Variants in CNTN3 observed in about 807,000 individuals in gnomAD.
CNTN3 encodes the protein contactin 3.
A neutral mutation model predicts 119.1 loss-of-function variants in CNTN3; 60 were observed. The ratio of observed to expected loss-of-function variants is 0.50; its 90% CI spans 0.41 to 0.62. The LOEUF (loss-of-function observed/expected upper bound fraction) is 0.62. CNTN3 is among the 20% of genes least tolerant of loss of function. The probability of loss-of-function intolerance (pLI) is 0.00; values close to 1 mark genes in which losing one functional copy is unlikely to be tolerated. For missense variants in CNTN3, 1,101 were observed against 1,242.4 expected, an observed-to-expected ratio of 0.89 and a Z score of 1.71; for synonymous variants, 450 against 438.7, an observed-to-expected ratio of 1.03 and a Z score of -0.32.
intron 4 of CNTN3, among the ~76,000 whole-genome samples, chr3:74,447,549 A>C (rs1575733986): frequency 6.6e-6 from 1 of 152,186 alleles, no homozygotes; most frequent in Admixed American, 6.5e-5. Context: ...GAAGGGAAAG[A>C]GCAATTGCAT....
At chr3:74,406,317 C>T (rs901976855) in intron 5 of CNTN3, among the ~76,000 whole-genome samples, 1 of 151,716 alleles carries the variant, frequency 6.6e-6, no homozygotes, top group South Asian at 2.1e-4. Context: ...TAAACTACAA[C>T]GATAATTTTA....
chr3:74,579,866 A>G (rs988637143), intron 1 of CNTN3, among the ~76,000 whole-genome samples: 3 of 152,186 alleles, frequency 2.0e-5, no homozygotes, highest in Admixed American at 2.0e-4. Flanking sequence ...AGAGGAACAA[A>G]TGAAACTTAA....
chr3:74,605,245 T>TA (rs141732008), intron 1 of CNTN3, among the ~76,000 whole-genome samples: 2,340 of 152,228 alleles, frequency 0.015, 54 homozygotes, highest in African/African-American at 0.052. Flanking sequence ...CTATAATTAA[T>TA]AATGCATTGT....
At chr3:74,464,807 C>A (rs1702432806) in intron 4 of CNTN3, among the ~76,000 whole-genome samples, 2 of 152,156 alleles carry the variant, frequency 1.3e-5, no homozygotes, top group Non-Finnish European at 2.9e-5. Flanking sequence ...TTAATGGCAT[C>A]TCTTTTTAAA....
At chr3:74,508,554 A>G (rs1575794114) in intron 2 of CNTN3, among the ~76,000 whole-genome samples, 1 of 152,320 alleles carries the variant, frequency 6.6e-6, no homozygotes, top group Non-Finnish European at 1.5e-5. Flanking sequence ...CACAGTAAGC[A>G]TACAACTGAT....
chr3:74,391,961 C>A (rs1434229161), intron 5 of CNTN3, among the ~76,000 whole-genome samples: 1 of 152,054 alleles, frequency 6.6e-6, no homozygotes, highest in Non-Finnish European at 1.5e-5. Context: ...CCCAGACTCC[C>A]ACACTTAGAG....
chr3:74,392,800 G>C (rs1704948608), intron 5 of CNTN3, among the ~76,000 whole-genome samples: 1 of 152,086 alleles, frequency 6.6e-6, no homozygotes, highest in Non-Finnish European at 1.5e-5. Context: ...CAGGGACAGA[G>C]CTTATTTTTT....
chr3:74,595,275 T>C (rs1704785643), intron 1 of CNTN3, among the ~76,000 whole-genome samples: 1 of 151,696 alleles, frequency 6.6e-6, no homozygotes, highest in African/African-American at 2.4e-5. Flanking sequence ...TTTCTTTTGC[T>C]GTGCAGAAGC....
chr3:74,537,946 G>A (rs147110742), intron 1 of CNTN3, among the ~76,000 whole-genome samples: 2 of 152,058 alleles, frequency 1.3e-5, no homozygotes, highest in East Asian at 1.9e-4. Context: ...GGGAAGGGAC[G>A]GTGGACAGAG....
intron 1 of CNTN3, among the ~76,000 whole-genome samples, chr3:74,568,238 A>T (rs1405697765): frequency 1.3e-5 from 2 of 152,240 alleles, no homozygotes; most frequent in African/African-American, 4.8e-5. Context: ...AGGAAGCTTA[A>T]TGCTGCCGCT....
At chr3:74,596,012 G>A (rs1325314351) in intron 1 of CNTN3, among the ~76,000 whole-genome samples, 1 of 152,078 alleles carries the variant, frequency 6.6e-6, no homozygotes, top group Admixed American at 6.6e-5. Flanking sequence ...CAAAATCAAT[G>A]TACAAAAATC....
intron 1 of CNTN3, among the ~76,000 whole-genome samples, chr3:74,524,566 G>A (rs1481725171): frequency 1.3e-5 from 2 of 151,850 alleles, no homozygotes; most frequent in African/African-American, 4.8e-5. Flanking sequence ...ATGTGCTGCA[G>A]AGTGAGGGAA....
At chr3:74,492,772 T>C (rs1181423711) in intron 3 of CNTN3, among the ~76,000 whole-genome samples, 2 of 152,146 alleles carry the variant, frequency 1.3e-5, no homozygotes, top group African/African-American at 2.4e-5. Context: ...TGTGTGTGTG[T>C]GTGTATGTGT....
chr3:74,476,311 C>A (rs1183553318), intron 4 of CNTN3, among the ~76,000 whole-genome samples: 1 of 152,098 alleles, frequency 6.6e-6, no homozygotes. Flanking sequence ...CTTTATAGAA[C>A]CTAACTACCA....
At chr3:74,605,676 CTA>C (rs1198990373) in intron 1 of CNTN3, among the ~76,000 whole-genome samples, 2 of 151,994 alleles carry the variant, frequency 1.3e-5, no homozygotes, top group African/African-American at 4.8e-5. Context: ...TGGCTACTAG[CTA>C]TCTCTGTGTG....
chr3:74,591,583 G>A (rs1704703486), intron 1 of CNTN3, among the ~76,000 whole-genome samples: 1 of 151,748 alleles, frequency 6.6e-6, no homozygotes, highest in African/African-American at 2.4e-5. Flanking sequence ...AGGCCTGGAA[G>A]CGGGGAAACA....
chr3:74,369,404 T>G (rs1463494802), intron 7 of CNTN3, 31 bp from the exon 8 acceptor site: 1 of 1,532,828 alleles, frequency 6.5e-7, no homozygotes, highest in Non-Finnish European at 8.8e-7. Context: ...TTGTCTGCTA[T>G]TGTCTGGAAG....
intron 11 of CNTN3, among the ~76,000 whole-genome samples, chr3:74,346,042 T>C (rs970045765): frequency 6.6e-6 from 1 of 152,168 alleles, no homozygotes; most frequent in East Asian, 1.9e-4. Flanking sequence ...TGTGTATTAT[T>C]TGATAAACTG....
chr3:74,587,939 G>C, intron 1 of CNTN3, among the ~76,000 whole-genome samples: 1 of 152,106 alleles, frequency 6.6e-6, no homozygotes, highest in Non-Finnish European at 1.5e-5. Context: ...GTTTGTCATA[G>C]ATAGCTCTTA....
Sources: gnomAD v4.1 joint callset for allele counts (sites outside exome capture counted in the v4.1 genomes callset) on GRCh38, gnomAD v4.1.1 for gene constraint, MANE v1.5 for transcripts, NCBI Gene and HGNC (gene_info 2026-07-23, HGNC 2026-07-21) for gene names.